NTN1: variants seen among roughly 807,000 people sequenced by gnomAD.
The protein encoded by NTN1 is netrin-1.
NTN1 carries 11 observed loss-of-function variants against 54.2 expected under a neutral mutation model. The observed-to-expected ratio is 0.20, with a 90% confidence interval of 0.13 to 0.34. The LOEUF (loss-of-function observed/expected upper bound fraction) is 0.34, where lower values mean the gene tolerates loss of function less well. Ranked by LOEUF, NTN1 falls within the 10% of genes least tolerant of loss-of-function variation. The pLI is 1.00. For synonymous variants in NTN1, 371 were observed against 382.0 expected, an observed-to-expected ratio of 0.97 and a Z score of 0.33; for missense variants, 740 against 893.1, an observed-to-expected ratio of 0.83 and a Z score of 2.18.
intron 6 of NTN1, among the ~76,000 whole-genome samples, chr17:9,225,909 C>G (rs537845878): frequency 6.6e-6 from 1 of 152,320 alleles, no homozygotes; most frequent in South Asian, 2.1e-4. Context: ...CTGCCAGCAG[C>G]CCCGGACCCC....
intron 3 of NTN1, chr17:9,177,897 A>C (rs926640680): frequency 8.5e-5 from 13 of 152,244 alleles, no homozygotes; most frequent in African/African-American, 3.1e-4. Context: ...ATTTCCTAAC[A>C]AAAGGCATTG....
intron 6 of NTN1, among the ~76,000 whole-genome samples, chr17:9,231,415 C>T (rs1905807385): frequency 6.6e-6 from 1 of 152,222 alleles, no homozygotes; most frequent in Non-Finnish European, 1.5e-5. Context: ...CTGCTGTGGC[C>T]CCCAGGTCTC....
intron 2 of NTN1, among the ~76,000 whole-genome samples, chr17:9,129,282 A>T (rs1256650511): frequency 6.6e-6 from 1 of 152,004 alleles, no homozygotes; most frequent in African/African-American, 2.4e-5. Flanking sequence ...GGCCTCCTCC[A>T]GCCTCATTAA....
intron 2 of NTN1, among the ~76,000 whole-genome samples, chr17:9,050,499 A>G (rs1463318363): frequency 6.7e-6 from 1 of 150,264 alleles, no homozygotes; most frequent in Non-Finnish European, 1.5e-5. Flanking sequence ...ACGAAACCCC[A>G]TCTCTACTAA....
chr17:9,058,401 A>G (rs1018585962), intron 2 of NTN1, among the ~76,000 whole-genome samples: 14 of 152,174 alleles, frequency 9.2e-5, no homozygotes, highest in African/African-American at 3.4e-4. Context: ...CAGGTCATTC[A>G]TATGAACATT....
chr17:9,159,244 AAAG>A (rs1188146323), intron 2 of NTN1, among the ~76,000 whole-genome samples: 2 of 152,236 alleles, frequency 1.3e-5, no homozygotes, highest in African/African-American at 4.8e-5. Context: ...AATGCACAAA[AAAG>A]AAATATAAAT....
At chr17:9,206,982 G>A (rs369511812) in intron 5 of NTN1, among the ~76,000 whole-genome samples, 3 of 152,026 alleles carry the variant, frequency 2.0e-5, no homozygotes, top group Admixed American at 6.5e-5. Flanking sequence ...ACAGAGACTC[G>A]AGCCTGGTGA....
chr17:9,044,568 G>C (rs1408744310), intron 2 of NTN1, among the ~76,000 whole-genome samples: 1 of 151,942 alleles, frequency 6.6e-6, no homozygotes, highest in Non-Finnish European at 1.5e-5. Flanking sequence ...GTTTTTGTTT[G>C]TTTTTTAGAA....
At chr17:9,204,284 ATCTCTTTCTC>A (rs1904904771) in intron 5 of NTN1, among the ~76,000 whole-genome samples, 1 of 87,762 alleles carries the variant, frequency 1.1e-5, no homozygotes, top group Non-Finnish European at 2.6e-5. Flanking sequence ...CTCTTTCTCT[ATCTCTTTCTC>A]TCTCTCTCTC....
At chr17:9,073,860 T>A (rs1339063793) in intron 2 of NTN1, among the ~76,000 whole-genome samples, 1 of 152,254 alleles carries the variant, frequency 6.6e-6, no homozygotes, top group African/African-American at 2.4e-5. Context: ...TTCTTGGCCC[T>A]CTTTCGCGCA....
chr17:9,003,139 G>T, the NTN1 span, among the ~76,000 whole-genome samples: 1 of 152,200 alleles, frequency 6.6e-6, no homozygotes, highest in Admixed American at 6.5e-5. The surrounding 1 kb of genome is among the most constrained non-coding windows in gnomAD (Gnocchi z 7.4). Context: ...CCGGCGCCTC[G>T]GGGAGGTAAG....
At chr17:9,112,752 C>A (rs955546349) in intron 2 of NTN1, among the ~76,000 whole-genome samples, 15 of 143,314 alleles carry the variant, frequency 1.0e-4, no homozygotes, top group Non-Finnish European at 2.0e-4. Flanking sequence ...GTGAACGCTG[C>A]GGGGTGGAGC....
chr17:9,133,586 ATTTTTTT>A (rs544456345), intron 2 of NTN1, among the ~76,000 whole-genome samples: 7 of 131,042 alleles, frequency 5.3e-5, no homozygotes, highest in Admixed American at 3.1e-4. Flanking sequence ...TTCTCATTGA[ATTTTTTT>A]TTTTTTTTTT....
chr17:9,121,879 T>C (rs572276917), intron 2 of NTN1, among the ~76,000 whole-genome samples: 31 of 152,280 alleles, frequency 2.0e-4, no homozygotes, highest in African/African-American at 6.3e-4. Context: ...TGTCACCTTT[T>C]CAGACCTCTT....
chr17:9,126,913 C>T (rs924883926), intron 2 of NTN1, among the ~76,000 whole-genome samples: 4 of 151,906 alleles, frequency 2.6e-5, no homozygotes, highest in African/African-American at 7.3e-5. Context: ...ATTTTCACTT[C>T]GAGGGGAGAA....
intron 2 of NTN1, among the ~76,000 whole-genome samples, chr17:9,149,069 G>T (rs866608901): frequency 6.6e-6 from 1 of 151,974 alleles, no homozygotes; most frequent in South Asian, 2.1e-4. Flanking sequence ...CTGGAGTCCC[G>T]CCTTGAATCT....
rs139414359 is a variant in NTN1, at chr17:9,079,027, C to T, written c.1018+55636C>T. ...TTCTACAATCCTAATGGCTCCTCAG[C>T]CTCTCCCTCTACTCCACATCCAGCC... On this transcript the variant is annotated intron_variant, in intron 2 of 6. Transcript: ENST00000173229. Among the ~76,000 whole-genome samples, 16 of 152,356 alleles carry T rather than the reference C, an allele frequency of 1.1e-4. No individual in the cohort carries two copies. In the East Asian group the frequency reaches 3.1e-3, roughly 29 times the overall value.
At chr17:9,034,900 C>T (rs1307310389) in intron 2 of NTN1, among the ~76,000 whole-genome samples, 1 of 152,108 alleles carries the variant, frequency 6.6e-6, no homozygotes, top group African/African-American at 2.4e-5. Flanking sequence ...AGTTACCACG[C>T]CCCCTACCCA....
intron 2 of NTN1, among the ~76,000 whole-genome samples, chr17:9,079,371 C>T (rs950968842): frequency 2.0e-5 from 3 of 152,140 alleles, no homozygotes; most frequent in African/African-American, 7.2e-5. Context: ...TTTTCTAGTC[C>T]CCTTAAAAAT....
Sources: allele counts gnomAD v4.1 joint callset (sites outside exome capture counted in the v4.1 genomes callset), GRCh38; gene constraint gnomAD v4.1.1; non-coding constraint Gnocchi (gnomAD v3.1); transcripts MANE v1.5; gene names NCBI Gene and HGNC (gene_info 2026-07-23, HGNC 2026-07-21).